The following EPC1 variants were observed in gnomAD, a reference collection of about 807,000 sequenced individuals.
The protein encoded by EPC1 is enhancer of polycomb homolog 1.
In EPC1, 12 loss-of-function variants were observed where a neutral mutation model predicts 98.4. The ratio of observed to expected loss-of-function variants is 0.12; its 90% CI spans 0.08 to 0.20. The LOEUF is 0.20. Ranked by LOEUF, EPC1 falls within the 10% of genes least tolerant of loss-of-function variation. EPC1 has a pLI of 1.00. For synonymous variants in EPC1, 357 were observed against 363.9 expected, an observed-to-expected ratio of 0.98 and a Z score of 0.21; for missense variants, 729 against 990.5, an observed-to-expected ratio of 0.74 and a Z score of 3.54.
intron 9 of EPC1, chr10:32,285,553 A>C (rs929210144): frequency 6.5e-6 from 1 of 153,154 alleles, no homozygotes; most frequent in African/African-American, 2.4e-5. Flanking sequence ...ATCTTGGCTC[A>C]CTGCAACCTC....
At chr10:32,378,752 G>A in exon 1 of EPC1, 1 of 396,632 alleles carries the variant, frequency 2.5e-6, no homozygotes, top group Non-Finnish European at 4.6e-6. Context: ...AGCACAGCCA[G>A]AAGACTCTGG....
At position 32,341,313 on chromosome 10, in the gene EPC1, ATGTCTGTGTGTGTG is replaced by A. The variant is rs1165066402; in HGVS notation, c.153+5436_153+5449del. 7.0e-5 allele frequency among the ~76,000 whole-genome samples: 8 copies of A among 113,510 alleles called. No individual in the cohort carries two copies. In the South Asian group the frequency reaches 8.8e-4, roughly 12 times the overall value. The allele number at this position is 113,510 out of a possible 152,430, so 74.5% of individuals were successfully genotyped here. ...ACTAAGTGCTTTAAAACATGGACAC[ATGTCTGTGTGTGTG>A]TGTCTGTGTGTGTGTATAGATTCTA... On this transcript the variant is annotated intron_variant, in intron 1 of 13. Transcript: ENST00000319778.
intron 1 of EPC1, among the ~76,000 whole-genome samples, chr10:32,374,121 A>G (rs1343033268): frequency 6.6e-6 from 1 of 152,190 alleles, no homozygotes; most frequent in Admixed American, 6.5e-5. Context: ...TGATATGTTT[A>G]ACTAATTAAC....
chr10:32,371,491 T>G (rs1197204078), intron 1 of EPC1, among the ~76,000 whole-genome samples: 2 of 152,178 alleles, frequency 1.3e-5, no homozygotes, highest in African/African-American at 4.8e-5. Flanking sequence ...TTTTACCTAC[T>G]TTAAAAAAAT....
At chr10:32,327,667 G>A (rs1245883962) in intron 1 of EPC1, among the ~76,000 whole-genome samples, 2 of 152,128 alleles carry the variant, frequency 1.3e-5, no homozygotes, top group Non-Finnish European at 2.9e-5. Flanking sequence ...CTTAGATGGT[G>A]TAGCTTACTA....
At chr10:32,353,221 T>A (rs1173501733) in intron 1 of EPC1, among the ~76,000 whole-genome samples, 1 of 151,070 alleles carries the variant, frequency 6.6e-6, no homozygotes, top group Non-Finnish European at 1.5e-5. Context: ...AGTCCCAGAT[T>A]GAAGTGAAGT....
intron 2 of EPC1, among the ~76,000 whole-genome samples, 199 bp from the exon 3 acceptor site, chr10:32,293,936 T>C (rs1298055331): frequency 1.3e-5 from 2 of 152,218 alleles, no homozygotes; most frequent in African/African-American, 2.4e-5. Flanking sequence ...TTATCTTTAC[T>C]ATGAATATAC....
At chr10:32,312,338 G>A (rs1836287148) in intron 1 of EPC1, among the ~76,000 whole-genome samples, 1 of 152,144 alleles carries the variant, frequency 6.6e-6, no homozygotes, top group Non-Finnish European at 1.5e-5. Context: ...ATTTCTGAAT[G>A]ACATTTAATG....
chr10:32,311,919 T>A (rs1836256129), intron 1 of EPC1, among the ~76,000 whole-genome samples: 1 of 152,238 alleles, frequency 6.6e-6, no homozygotes. Flanking sequence ...AGTGTTAGAC[T>A]ACTACTGAAA....
At chr10:32,313,564 C>T (rs1836371904) in intron 1 of EPC1, among the ~76,000 whole-genome samples, 1 of 152,172 alleles carries the variant, frequency 6.6e-6, no homozygotes. Context: ...CTAATATCTG[C>T]AGGAATTGGA....
chr10:32,352,338 C>T (rs1332335978), intron 1 of EPC1, among the ~76,000 whole-genome samples: 2 of 151,944 alleles, frequency 1.3e-5, no homozygotes, highest in Admixed American at 1.3e-4. Context: ...TGAGCCACTG[C>T]GCCCCGCCCA....
intron 1 of EPC1, among the ~76,000 whole-genome samples, chr10:32,333,869 G>A (rs746477367): frequency 1.1e-4 from 16 of 152,152 alleles, no homozygotes; most frequent in Non-Finnish European, 2.2e-4. Context: ...ACCCCAAAAG[G>A]ATTCACAAAA....
chr10:32,289,638 T>G (rs1005354704), intron 6 of EPC1, among the ~76,000 whole-genome samples: 2 of 152,040 alleles, frequency 1.3e-5, no homozygotes, highest in African/African-American at 4.8e-5. Context: ...TTTTTTTTTT[T>G]TTTTAGACGG....
chr10:32,289,378 T>C (rs2132717217), intron 6 of EPC1, among the ~76,000 whole-genome samples: 1 of 123,120 alleles, frequency 8.1e-6, no homozygotes. Context: ...TTTCACAAAA[T>C]GGTCTGGTCC....
chr10:32,369,778 C>T (rs1839697705), intron 1 of EPC1, among the ~76,000 whole-genome samples: 2 of 152,092 alleles, frequency 1.3e-5, no homozygotes, highest in Admixed American at 6.5e-5. Flanking sequence ...AACATTAGAG[C>T]AAACTTAAGA....
intron 1 of EPC1, among the ~76,000 whole-genome samples, chr10:32,362,320 TG>T (rs892600757): frequency 2.6e-5 from 4 of 151,518 alleles, no homozygotes; most frequent in African/African-American, 7.3e-5. Flanking sequence ...ATGTTGGAGG[TG>T]GGGTCCGGTG....
At chr10:32,277,762 T>C (rs1836175996) in intron 10 of EPC1, among the ~76,000 whole-genome samples, 1 of 152,110 alleles carries the variant, frequency 6.6e-6, no homozygotes, top group Non-Finnish European at 1.5e-5. Flanking sequence ...GAGATGGGTG[T>C]TTCACCATGT....
At position 32,347,060 on chromosome 10, in the gene EPC1, A is replaced by G; in HGVS notation, c.-145T>C. 2 of 1,459,098 alleles carry G rather than the reference A, an allele frequency of 1.4e-6. No individual in the cohort carries two copies. The highest frequency in any genetic ancestry group is 1.8e-6 in the Non-Finnish European group (2 of 1,111,370). 90.4% of individuals were successfully genotyped at this position (1,459,098 alleles called of 1,614,324 possible). ...CAGAGCCCGCCGTCCGGGCACTAACACCAGCCGGGAGGGTGGGAGGCTGTG... is the reference window on the plus strand; with the variant it reads ...CAGAGCCCGCCGTCCGGGCACTAACGCCAGCCGGGAGGGTGGGAGGCTGTG... On this transcript the variant is annotated 5_prime_UTR_variant, in exon 1 of 14. Transcript: ENST00000319778.
chr10:32,278,575 G>C (rs893610813), intron 10 of EPC1, among the ~76,000 whole-genome samples: 2 of 151,388 alleles, frequency 1.3e-5, no homozygotes, highest in Non-Finnish European at 2.9e-5. Flanking sequence ...TAGAGACGGG[G>C]TTTCACCGTT....
Sources: gnomAD v4.1 joint callset for allele counts (sites outside exome capture counted in the v4.1 genomes callset) on GRCh38, gnomAD v4.1.1 for gene constraint, MANE v1.5 for transcripts, NCBI Gene and HGNC (gene_info 2026-07-23, HGNC 2026-07-21) for gene names.